ATXN2: variants seen among roughly 807,000 people sequenced by gnomAD.
The protein encoded by ATXN2 is ataxin-2.
A neutral mutation model predicts 138.6 loss-of-function variants in ATXN2; 37 were observed. That is an observed-to-expected ratio of 0.27 (90% CI 0.21 to 0.35). The LOEUF is 0.35. Among genes scored for constraint, ATXN2 ranks in the 10% least tolerant of loss-of-function variants. The probability of loss-of-function intolerance (pLI) is 1.00; values close to 1 mark genes in which losing one functional copy is unlikely to be tolerated. For missense variants in ATXN2, 1,216 were observed against 1,480.3 expected, an observed-to-expected ratio of 0.82 and a Z score of 2.93; for synonymous variants, 549 against 543.7, an observed-to-expected ratio of 1.01 and a Z score of -0.13.
At chr12:111,514,424 GA>G (rs1879743555) in intron 10 of ATXN2, among the ~76,000 whole-genome samples, 1 of 152,210 alleles carries the variant, frequency 6.6e-6, no homozygotes, top group Admixed American at 6.5e-5. Flanking sequence ...AACACCAAGC[GA>G]AAACTTCCCT....
At chr12:111,555,808 T>C in intron 2 of ATXN2, 75 bp downstream of exon 2, 1 of 1,249,780 alleles carries the variant, frequency 8.0e-7, no homozygotes, top group East Asian at 2.6e-5. Flanking sequence ...TCTTTTGCCT[T>C]GGCATTTGGT....
At chr12:111,583,027 C>T (rs531800717) in intron 1 of ATXN2, among the ~76,000 whole-genome samples, 1 of 114,986 alleles carries the variant, frequency 8.7e-6, no homozygotes, top group Non-Finnish European at 1.7e-5. Flanking sequence ...GAGTCTCGTT[C>T]TGTCGCCCAG....
chr12:111,463,452 G>C (rs150038981), intron 21 of ATXN2, among the ~76,000 whole-genome samples: 1 of 152,006 alleles, frequency 6.6e-6, no homozygotes, highest in African/African-American at 2.4e-5. Context: ...GTGCCACCAT[G>C]CTTTGGTAGA....
chr12:111,473,747 A>T (rs899427061), intron 18 of ATXN2, among the ~76,000 whole-genome samples: 1 of 146,114 alleles, frequency 6.8e-6, no homozygotes. Flanking sequence ...AAGTACACAC[A>T]TCTGTGAAAC....
In ATXN2 at chr12:111,599,207, G is replaced by C; in HGVS notation, c.-173C>G. The C allele has an allele frequency of 8.3e-7, 1 of 1,203,308 alleles. No homozygotes were observed. The highest frequency in any genetic ancestry group is 1.0e-6 in the Non-Finnish European group (1 of 970,368). The allele number at this position is 1,203,308 out of a possible 1,614,324, so 74.5% of individuals were successfully genotyped here. On this transcript the variant is annotated 5_prime_UTR_variant, in exon 1 of 25. Coordinates refer to ENST00000673436, the MANE Select transcript of ATXN2 (RefSeq NM_001372574.1). ...GAGGGGGAGAAGGAGGACGACGAAG[G>C]GGCGGGGAGGCCCGCCGAGACCAAG...
At chr12:111,595,699 A>G (rs1884904621) in intron 1 of ATXN2, among the ~76,000 whole-genome samples, 1 of 152,080 alleles carries the variant, frequency 6.6e-6, no homozygotes, top group Admixed American at 6.6e-5. Context: ...AAAGCTAACT[A>G]CAAAATAACA....
chr12:111,557,952 C>T (rs1882475035), intron 1 of ATXN2, among the ~76,000 whole-genome samples: 1 of 152,024 alleles, frequency 6.6e-6, no homozygotes, highest in Admixed American at 6.6e-5. Context: ...ATATGGCCTC[C>T]CTACAAAGCT....
chr12:111,594,236 C>T (rs113641073), intron 1 of ATXN2, among the ~76,000 whole-genome samples: 1 of 152,116 alleles, frequency 6.6e-6, no homozygotes, highest in Non-Finnish European at 1.5e-5. Context: ...CTGTATTCAA[C>T]GTAGATATTT....
At chr12:111,518,056 T>C (rs927398479) in intron 9 of ATXN2, among the ~76,000 whole-genome samples, 193 bp downstream of exon 9, 2 of 152,218 alleles carry the variant, frequency 1.3e-5, no homozygotes, top group Non-Finnish European at 2.9e-5. Flanking sequence ...ATAATATATA[T>C]GTCAATGACA....
Position 111,531,386 on chromosome 12 carries a change from T to C in ATXN2, c.572-6070A>G, listed in dbSNP as rs142468716. Reference sequence around the variant, plus strand: ...GGCGGAGGTTGTAGTGAGCCAAGATTGCGCCACTGCACTCCAACCTGGCGA... The same window carrying C: ...GGCGGAGGTTGTAGTGAGCCAAGATCGCGCCACTGCACTCCAACCTGGCGA... On this transcript the variant is annotated intron_variant, in intron 5 of 24. Transcript: ENST00000673436. Among the ~76,000 whole-genome samples, 12 of 152,178 alleles carry C rather than the reference T, an allele frequency of 7.9e-5. No individual in the cohort carries two copies. In the East Asian group the frequency reaches 2.1e-3, roughly 27 times the overall value.
rs867383700 is a variant in ATXN2 at position 111,507,272 on chromosome 12, C to T, written c.1935+2277G>A. ...TGAGATGTGGGGAGCGCCTCTGCCC[C>T]GCTGCCCCGTCTGGGATGTGAGGAG... On this transcript the variant is annotated intron_variant, in intron 14 of 24. Transcript: ENST00000673436. 2.7e-5 allele frequency among the ~76,000 whole-genome samples: 4 copies of T among 148,148 alleles called. 1 individual carries two copies. In the South Asian group the frequency reaches 8.7e-4, roughly 32 times the overall value.
At chr12:111,590,933 G>C (rs1884626575) in intron 1 of ATXN2, among the ~76,000 whole-genome samples, 2 of 151,874 alleles carry the variant, frequency 1.3e-5, no homozygotes, top group African/African-American at 4.8e-5. Flanking sequence ...TTGTCCCCCA[G>C]GCTGAAGTAC....
intron 1 of ATXN2, among the ~76,000 whole-genome samples, chr12:111,586,428 C>T (rs1296923407): frequency 1.5e-5 from 2 of 137,126 alleles, no homozygotes; most frequent in Non-Finnish European, 3.1e-5. Context: ...GAGTCTCCCT[C>T]TGTCGTCAGT....
intron 20 of ATXN2, 144 bp downstream of exon 20, chr12:111,469,964 A>C: frequency 1.0e-6 from 1 of 994,080 alleles, no homozygotes; most frequent in Non-Finnish European, 1.4e-6. Flanking sequence ...CAAGTCAGGC[A>C]AAGAAATGGG....
chr12:111,511,372 ACTCT>A (rs767583834), intron 11 of ATXN2: 2 of 151,790 alleles, frequency 1.3e-5, no homozygotes, highest in African/African-American at 2.4e-5. Flanking sequence ...CTATGCTTAT[ACTCT>A]CTCACTTCTA....
Position 111,499,724 on chromosome 12 carries a change from G to A in ATXN2, c.1935+9825C>T, listed in dbSNP as rs1566026483. 3.3e-5 allele frequency among the ~76,000 whole-genome samples: 5 copies of A among 152,112 alleles called. No homozygotes were observed. In the South Asian group the frequency reaches 8.3e-4, roughly 25 times the overall value. ...AGGAAGACATACAAGGCCAGGTGCA[G>A]TGGCTCACAACTATAATTTCAGCAT... On this transcript the variant is annotated intron_variant, in intron 14 of 24. Coordinates refer to ENST00000673436, the MANE Select transcript of ATXN2 (RefSeq NM_001372574.1).
At chr12:111,544,506 CAG>C (rs752331233) in intron 5 of ATXN2, among the ~76,000 whole-genome samples, 3 of 152,112 alleles carry the variant, frequency 2.0e-5, no homozygotes, top group Non-Finnish European at 4.4e-5. Context: ...CAAACTGTAA[CAG>C]GGGAGACAAG....
rs1052664779 is a variant in ATXN2, at chr12:111,453,430, T to TTGCTGCTGC, written c.3439+238_3439+246dup. ...GTCCTAGGCATGCATCAGGCTGCTG[T>TTGCTGCTGC]TGCTGCTGCTGCTGCTTCTCATCAA... On this transcript the variant is annotated intron_variant, in intron 24 of 24. Transcript: ENST00000673436. The surrounding 1 kb of genome is among the most constrained non-coding windows in gnomAD (Gnocchi z 5.4). The TTGCTGCTGC allele has an allele frequency of 1.4e-5, 18 of 1,246,764 alleles. No individual in the cohort carries two copies. In the South Asian group the frequency reaches 2.5e-4, roughly 17 times the overall value. 77.2% of individuals were successfully genotyped at this position (1,246,764 alleles called of 1,614,324 possible).
intron 1 of ATXN2, among the ~76,000 whole-genome samples, chr12:111,572,349 C>T (rs1334526586): frequency 6.6e-6 from 1 of 150,618 alleles, no homozygotes; most frequent in African/African-American, 2.4e-5. Flanking sequence ...TGCAGTGAGC[C>T]AAGATGGCAC....
Sources: allele counts gnomAD v4.1 joint callset (sites outside exome capture counted in the v4.1 genomes callset), GRCh38; gene constraint gnomAD v4.1.1; non-coding constraint Gnocchi (gnomAD v3.1); transcripts MANE v1.5; gene names NCBI Gene and HGNC (gene_info 2026-07-23, HGNC 2026-07-21).